Variants in P4HA1 observed in about 807,000 individuals in gnomAD.
P4HA1 encodes the protein prolyl 4-hydroxylase subunit alpha 1, also known as prolyl 4-hydroxylase subunit alpha-1.
A neutral mutation model predicts 72.8 loss-of-function variants in P4HA1; 24 were observed. That is an observed-to-expected ratio of 0.33 (90% CI 0.24 to 0.46). The LOEUF (loss-of-function observed/expected upper bound fraction) is 0.46. Among genes scored for constraint, P4HA1 ranks in the 20% least tolerant of loss-of-function variants. The pLI is 1.00. For synonymous variants in P4HA1, 201 were observed against 218.8 expected (o/e 0.92, Z 0.72); for missense variants, 446 against 640.6 (o/e 0.70, Z 3.28).
intron 10 of P4HA1, among the ~76,000 whole-genome samples, chr10:73,024,390 C>T (rs1840214574): frequency 6.6e-6 from 1 of 152,210 alleles, no homozygotes; most frequent in South Asian, 2.1e-4. Context: ...TCCTGAATGA[C>T]TACTGGGTAA....
At chr10:73,091,754 C>T (rs1842037021) in intron 1 of P4HA1, among the ~76,000 whole-genome samples, 1 of 152,112 alleles carries the variant, frequency 6.6e-6, no homozygotes, top group Non-Finnish European at 1.5e-5. Context: ...TCTAGAGAAA[C>T]TTGTGTTTAA....
intron 13 of P4HA1, among the ~76,000 whole-genome samples, 155 bp from the exon 14 acceptor site, chr10:73,010,058 T>TC (rs1278202810): frequency 6.6e-6 from 1 of 151,662 alleles, no homozygotes; most frequent in African/African-American, 2.4e-5. Context: ...AACCTCCACC[T>TC]CCCAGGTTGA....
chr10:73,066,419 G>A (rs1040389869), intron 5 of P4HA1, among the ~76,000 whole-genome samples: 1 of 152,090 alleles, frequency 6.6e-6, no homozygotes, highest in Non-Finnish European at 1.5e-5. Context: ...ATTTTGATGG[G>A]AATATAATCA....
chr10:73,093,869 A>AAT (rs1842094361), intron 1 of P4HA1, among the ~76,000 whole-genome samples: 2 of 57,456 alleles, frequency 3.5e-5, no homozygotes, highest in African/African-American at 1.5e-4. Flanking sequence ...AAAAAAAAAA[A>AAT]AAAAATATAT....
At chr10:73,054,446 T>C (rs1841089833) in intron 5 of P4HA1, among the ~76,000 whole-genome samples, 1 of 152,202 alleles carries the variant, frequency 6.6e-6, no homozygotes, top group African/African-American at 2.4e-5. Flanking sequence ...AGAAACCCTG[T>C]AACCATTAAC....
chr10:73,012,449 A>T (rs1421745222), intron 12 of P4HA1, among the ~76,000 whole-genome samples: 1 of 152,226 alleles, frequency 6.6e-6, no homozygotes, highest in Non-Finnish European at 1.5e-5. Context: ...TGTATACCGT[A>T]CTAACCCTCT....
intron 1 of P4HA1, among the ~76,000 whole-genome samples, chr10:73,086,747 A>G (rs1841930532): frequency 6.6e-6 from 1 of 152,128 alleles, no homozygotes; most frequent in Non-Finnish European, 1.5e-5. Context: ...AACCTGGCCA[A>G]CATGGTGAAA....
At position 73,051,206 on chromosome 10, in the gene P4HA1, C is replaced by T. The variant is rs766572762; in HGVS notation, c.747G>A (p.Glu249=). 7 of 1,605,464 alleles carry T rather than the reference C, an allele frequency of 4.4e-6. No homozygotes were observed. The highest frequency in any genetic ancestry group is 6.0e-6 in the Non-Finnish European group (7 of 1,172,800). The change falls in exon 7 of 15, where the codon GAG becomes GAA. Residue 249 remains glutamate (E), a synonymous_variant. Coordinates refer to ENST00000394890, the MANE Select transcript of P4HA1 (RefSeq NM_001017962.3). ...QRANGNLKYF[E]YIMAKEKDVN... ...CATCTTTTTCTTTAGCCATTATATACTCAAAATATTTTAAGTTACCATTAG... is the reference window on the plus strand; with the variant it reads ...CATCTTTTTCTTTAGCCATTATATATTCAAAATATTTTAAGTTACCATTAG...
intron 1 of P4HA1, among the ~76,000 whole-genome samples, chr10:73,076,366 T>TG (rs1374235529): frequency 6.6e-6 from 1 of 151,818 alleles, no homozygotes; most frequent in East Asian, 1.9e-4. Flanking sequence ...GCCTGTTTTT[T>TG]TTTTTTTTTT....
In P4HA1 at chr10:73,007,703, A is replaced by G. The variant is rs185162871; in HGVS notation, c.*519T>C. The G allele has an allele frequency of 3.6e-3, 548 of 152,362 alleles. 1 individual carries two copies. The highest frequency in any genetic ancestry group is 5.2e-3 in the Non-Finnish European group (356 of 68,090). 9.4% of individuals were successfully genotyped at this position (152,362 alleles called of 1,614,324 possible). A position where few individuals can be genotyped will look rare whatever the true frequency, so the allele number is the denominator to read the frequency against. ...CTTTCTTTAAAAAAGACTTGGGAGG[A>G]AAAAAATCAACTTAGAAGATCATAT... On this transcript the variant is annotated 3_prime_UTR_variant, in exon 15 of 15. Transcript: ENST00000394890.
intron 1 of P4HA1, among the ~76,000 whole-genome samples, chr10:73,092,399 G>A (rs61865788): frequency 7.4e-6 from 1 of 135,702 alleles, no homozygotes; most frequent in Non-Finnish European, 1.5e-5. Flanking sequence ...ACCCAGGCTA[G>A]AGTGCAATGG....
At chr10:73,015,311 A>G (rs1839988746) in intron 11 of P4HA1, among the ~76,000 whole-genome samples, 1 of 152,228 alleles carries the variant, frequency 6.6e-6, no homozygotes, top group African/African-American at 2.4e-5. Flanking sequence ...TATTTGTAAT[A>G]GCCAAAAACT....
intron 1 of P4HA1, among the ~76,000 whole-genome samples, chr10:73,093,326 C>A (rs1194356017): frequency 6.6e-6 from 1 of 152,006 alleles, no homozygotes; most frequent in Non-Finnish European, 1.5e-5. Flanking sequence ...AATGTCAAAT[C>A]AAATATACTA....
chr10:73,093,768 G>A (rs1307438577), intron 1 of P4HA1, among the ~76,000 whole-genome samples: 3 of 141,934 alleles, frequency 2.1e-5, no homozygotes, highest in South Asian at 4.7e-4. Context: ...GCGTGAACCC[G>A]GGAGGTGGAG....
intron 10 of P4HA1, among the ~76,000 whole-genome samples, chr10:73,022,137 GTGGT>G (rs1840150608): frequency 6.6e-6 from 1 of 152,234 alleles, no homozygotes; most frequent in African/African-American, 2.4e-5. Flanking sequence ...GAAGAGAGCA[GTGGT>G]TCTCCCAGGA....
At chr10:73,095,858 T>C (rs1047672822) in intron 1 of P4HA1, among the ~76,000 whole-genome samples, 6 of 152,196 alleles carry the variant, frequency 3.9e-5, no homozygotes, top group Non-Finnish European at 8.8e-5. Flanking sequence ...GTCGATTATT[T>C]AGGAGAAAGA....
chr10:73,037,563 ATATATAT>A (rs1840622288), intron 9 of P4HA1, among the ~76,000 whole-genome samples: 1 of 32,554 alleles, frequency 3.1e-5, no homozygotes, highest in Non-Finnish European at 5.3e-5. Context: ...ATATATATAT[ATATATAT>A]ATTTTTTTTT....
chr10:73,086,636 A>AT (rs1564638603), intron 1 of P4HA1, among the ~76,000 whole-genome samples: 1 of 152,212 alleles, frequency 6.6e-6, no homozygotes, highest in Admixed American at 6.5e-5. Context: ...TTTTAAAAAA[A>AT]TTAAAAAGAA....
intron 5 of P4HA1, among the ~76,000 whole-genome samples, chr10:73,062,863 G>A (rs1841342686): frequency 6.6e-6 from 1 of 152,208 alleles, no homozygotes; most frequent in Non-Finnish European, 1.5e-5. Context: ...CTGACAATGA[G>A]CTGTTGAATT....
Sources: gnomAD v4.1 joint callset for allele counts (sites outside exome capture counted in the v4.1 genomes callset) on GRCh38, gnomAD v4.1.1 for gene constraint, MANE v1.5 for transcripts, NCBI Gene and HGNC (gene_info 2026-07-23, HGNC 2026-07-21) for gene names.